NR3C2: variants seen among roughly 807,000 people sequenced by gnomAD.
The protein encoded by NR3C2 is mineralocorticoid receptor.
NR3C2 carries 15 observed loss-of-function variants against 86.4 expected under a neutral mutation model. The observed-to-expected ratio is 0.17, with a 90% CI of 0.12 to 0.27. The LOEUF is 0.27. Ranked by LOEUF, NR3C2 falls within the 10% of genes least tolerant of loss-of-function variation. The pLI is 1.00. For missense variants in NR3C2, 960 were observed against 1,195.6 expected (o/e 0.80, Z 2.91); for synonymous variants, 458 against 450.5 (o/e 1.02, Z -0.21).
intron 2 of NR3C2, among the ~76,000 whole-genome samples, chr4:148,280,383 G>A (rs1248109815): frequency 1.3e-5 from 2 of 152,106 alleles, no homozygotes; most frequent in Non-Finnish European, 2.9e-5. Context: ...AAAGTTACAA[G>A]CAATACCGAA....
chr4:148,098,655 T>C (rs1383421794), intron 8 of NR3C2, among the ~76,000 whole-genome samples: 2 of 152,226 alleles, frequency 1.3e-5, no homozygotes, highest in African/African-American at 4.8e-5. Context: ...GCATTGATTT[T>C]AGGGCTACAA....
chr4:148,384,948 T>C (rs1512338), intron 2 of NR3C2, among the ~76,000 whole-genome samples: 67 of 152,306 alleles, frequency 4.4e-4, no homozygotes, highest in African/African-American at 1.3e-3. Context: ...AGAATGATCT[T>C]CCAGAATACC....
At chr4:148,315,351 T>C (rs1264180433) in intron 2 of NR3C2, among the ~76,000 whole-genome samples, 1 of 152,228 alleles carries the variant, frequency 6.6e-6, no homozygotes, top group Non-Finnish European at 1.5e-5. Flanking sequence ...CAAGGTACTA[T>C]GTTAAGTTGT....
intron 2 of NR3C2, among the ~76,000 whole-genome samples, chr4:148,361,690 G>A (rs1430026293): frequency 6.6e-6 from 1 of 152,176 alleles, no homozygotes; most frequent in East Asian, 1.9e-4. Flanking sequence ...CTATCACAGA[G>A]TTTCACAGCC....
intron 8 of NR3C2, among the ~76,000 whole-genome samples, chr4:148,086,430 G>C (rs151101745): frequency 9.9e-5 from 15 of 152,232 alleles, no homozygotes; most frequent in African/African-American, 3.6e-4. Flanking sequence ...ATTTAACATG[G>C]CTTCATGCTA....
chr4:148,420,683 A>T (rs571693308), intron 2 of NR3C2, among the ~76,000 whole-genome samples: 2 of 152,122 alleles, frequency 1.3e-5, no homozygotes, highest in Admixed American at 6.5e-5. Flanking sequence ...GTAATCCCCA[A>T]TGTTGGAGAT....
intron 2 of NR3C2, among the ~76,000 whole-genome samples, chr4:148,384,732 G>GA (rs1461997932): frequency 2.6e-5 from 4 of 151,910 alleles, no homozygotes; most frequent in African/African-American, 9.7e-5. Context: ...AATATAAATG[G>GA]AAAAAAGTGA....
intron 6 of NR3C2, among the ~76,000 whole-genome samples, chr4:148,145,341 C>T (rs547105686): frequency 6.6e-6 from 1 of 152,172 alleles, no homozygotes; most frequent in East Asian, 1.9e-4. Flanking sequence ...CAGCCCACCC[C>T]AAGGGAAGAA....
chr4:148,160,728 G>C (rs939887820), intron 4 of NR3C2, among the ~76,000 whole-genome samples: 1 of 152,078 alleles, frequency 6.6e-6, no homozygotes, highest in African/African-American at 2.4e-5. Flanking sequence ...TATATTTTCT[G>C]TTCATAGGCC....
chr4:148,134,667 T>TTTTTTTTTTTTTTTTTTTTTG (rs1733208618), intron 6 of NR3C2, among the ~76,000 whole-genome samples: 1 of 145,398 alleles, frequency 6.9e-6, no homozygotes, highest in African/African-American at 2.5e-5. Flanking sequence ...TTTTTTTTTT[T>TTTTTTTTTTTTTTTTTTTTTG]AGAGGGAGTC....
intron 8 of NR3C2, among the ~76,000 whole-genome samples, chr4:148,095,666 C>T (rs150698481): frequency 2.7e-4 from 41 of 152,326 alleles, no homozygotes; most frequent in East Asian, 2.1e-3. Flanking sequence ...AGCTTAGTGA[C>T]GCTGATGGAG....
Position 148,089,082 on chromosome 4 carries a change from A to T in NR3C2, c.2800-7583T>A, listed in dbSNP as rs991938105. On this transcript the variant is annotated intron_variant, in intron 8 of 8. Transcript: ENST00000358102. Reference sequence around the variant, plus strand: ...ATCTGTAACTTACCCTGATGATTTTAAAAAACACCCCATTAGCAAGCTTTA... The same window carrying T: ...ATCTGTAACTTACCCTGATGATTTTTAAAAACACCCCATTAGCAAGCTTTA... Among the ~76,000 whole-genome samples, 3 of 152,344 alleles carry T rather than the reference A, an allele frequency of 2.0e-5. No individual in the cohort carries two copies. In the East Asian group the frequency reaches 5.8e-4, roughly 29 times the overall value.
intron 4 of NR3C2, among the ~76,000 whole-genome samples, chr4:148,193,165 T>C (rs1736281279): frequency 6.6e-6 from 1 of 152,216 alleles, no homozygotes; most frequent in Non-Finnish European, 1.5e-5. Context: ...CTGCTGCTTC[T>C]TCTACCCTTG....
At chr4:148,221,228 C>T (rs1303111778) in intron 3 of NR3C2, among the ~76,000 whole-genome samples, 2 of 152,158 alleles carry the variant, frequency 1.3e-5, no homozygotes, top group Non-Finnish European at 2.9e-5. Flanking sequence ...AAACTGTAAG[C>T]CTTTATTACT....
At chr4:148,091,583 T>C (rs564157906) in intron 8 of NR3C2, among the ~76,000 whole-genome samples, 2 of 152,342 alleles carry the variant, frequency 1.3e-5, no homozygotes, top group South Asian at 4.1e-4. Flanking sequence ...GAATAGATAC[T>C]GGTTCCTGTG....
intron 3 of NR3C2, among the ~76,000 whole-genome samples, chr4:148,199,589 T>G (rs568583672): frequency 6.6e-6 from 1 of 152,178 alleles, no homozygotes; most frequent in African/African-American, 2.4e-5. Flanking sequence ...TGAGGAAAAC[T>G]GTACCCCTGC....
intron 2 of NR3C2, among the ~76,000 whole-genome samples, chr4:148,269,686 T>C (rs183112978): frequency 2.0e-5 from 3 of 152,200 alleles, no homozygotes; most frequent in East Asian, 3.9e-4. Flanking sequence ...AAAAAACACC[T>C]GTGAGCACAA....
intron 6 of NR3C2, among the ~76,000 whole-genome samples, chr4:148,131,318 T>G (rs573363020): frequency 3.3e-5 from 5 of 152,328 alleles, no homozygotes; most frequent in African/African-American, 1.2e-4. Flanking sequence ...TATCTGGTAC[T>G]GCAAACTGCA....
chr4:148,290,444 T>C (rs1741743350), intron 2 of NR3C2, among the ~76,000 whole-genome samples: 1 of 152,170 alleles, frequency 6.6e-6, no homozygotes, highest in African/African-American at 2.4e-5. Context: ...ATTCTTGAAC[T>C]ACAGAAAATG....
Sources: gnomAD v4.1 joint callset for allele counts (sites outside exome capture counted in the v4.1 genomes callset) on GRCh38, gnomAD v4.1.1 for gene constraint, MANE v1.5 for transcripts, NCBI Gene and HGNC (gene_info 2026-07-23, HGNC 2026-07-21) for gene names.